Variants in ITPRID1 observed in about 807,000 individuals in gnomAD.
ITPRID1 encodes protein ITPRID1.
ITPRID1 carries 96 observed loss-of-function variants against 95.4 expected under a neutral mutation model. The observed-to-expected ratio is 1.01, with a 90% CI of 0.85 to 1.19. The LOEUF is 1.19. ITPRID1 is among the 50% of genes most tolerant of loss of function. The pLI is 0.00. For missense variants in ITPRID1, 1,339 were observed against 1,252.9 expected, an observed-to-expected ratio of 1.07 and a Z score of -1.04; for synonymous variants, 510 against 453.6, an observed-to-expected ratio of 1.12 and a Z score of -1.58.
intron 10 of ITPRID1, among the ~76,000 whole-genome samples, chr7:31,599,690 C>CTCTCTCTCTTTCTT (rs1180791810): frequency 6.6e-5 from 7 of 106,646 alleles, no homozygotes; most frequent in African/African-American, 2.6e-4. Context: ...CTCTCTCTCT[C>CTCTCTCTCTTTCTT]TCTTTCTTTC....
intron 5 of ITPRID1, among the ~76,000 whole-genome samples, chr7:31,566,618 A>G (rs1784810063): frequency 6.6e-6 from 1 of 152,230 alleles, no homozygotes; most frequent in Non-Finnish European, 1.5e-5. Context: ...AAATTGCTTG[A>G]AACAATATTT....
At chr7:31,519,234 G>A (rs929730644) in intron 1 of ITPRID1, among the ~76,000 whole-genome samples, 1 of 152,096 alleles carries the variant, frequency 6.6e-6, no homozygotes, top group Non-Finnish European at 1.5e-5. Flanking sequence ...AATAACATAC[G>A]TGTATAGAAT....
intron 10 of ITPRID1, among the ~76,000 whole-genome samples, chr7:31,599,609 C>CTT (rs1491058393): frequency 2.8e-4 from 14 of 49,212 alleles, no homozygotes; most frequent in Admixed American, 2.0e-3. Flanking sequence ...TTCTTTCTTT[C>CTT]TTTCTTTCTT....
intron 10 of ITPRID1, among the ~76,000 whole-genome samples, chr7:31,635,669 T>C (rs1449908871): frequency 6.6e-6 from 1 of 152,114 alleles, no homozygotes; most frequent in Non-Finnish European, 1.5e-5. Context: ...GCCGTTCTCA[T>C]GCTGCTATGA....
chr7:31,550,258 G>A (rs1019962066), intron 2 of ITPRID1, among the ~76,000 whole-genome samples: 1 of 149,070 alleles, frequency 6.7e-6, no homozygotes, highest in Non-Finnish European at 1.5e-5. Flanking sequence ...ATGAGTAGAA[G>A]TTTTGTATAC....
chr7:31,537,456 GT>G (rs1409112390), intron 1 of ITPRID1, among the ~76,000 whole-genome samples: 2 of 151,888 alleles, frequency 1.3e-5, no homozygotes, highest in Admixed American at 6.6e-5. Flanking sequence ...TAATTTGTTA[GT>G]TTTTTCCCCC....
intron 5 of ITPRID1, among the ~76,000 whole-genome samples, chr7:31,557,244 C>T (rs1784478135): frequency 6.6e-6 from 1 of 152,078 alleles, no homozygotes; most frequent in African/African-American, 2.4e-5. Context: ...CATTCTAAGG[C>T]TGGTTTCCTT....
chr7:31,641,477 GA>G (rs5883299), intron 10 of ITPRID1, among the ~76,000 whole-genome samples: 5 of 150,994 alleles, frequency 3.3e-5, no homozygotes, highest in African/African-American at 9.7e-5. Context: ...TTAAAGAAGA[GA>G]AAAAAAAATC....
chr7:31,528,735 T>C (rs1222927304), intron 1 of ITPRID1, among the ~76,000 whole-genome samples: 2 of 152,154 alleles, frequency 1.3e-5, no homozygotes, highest in Non-Finnish European at 2.9e-5. Context: ...AAAGAGTTGA[T>C]GAGGCCTCCT....
At chr7:31,615,493 T>TTTAAA (rs796778630) in intron 10 of ITPRID1, among the ~76,000 whole-genome samples, 62 of 152,258 alleles carry the variant, frequency 4.1e-4, no homozygotes, top group African/African-American at 1.4e-3. Flanking sequence ...TGAAGTCATT[T>TTTAAA]TTAAATTCTC....
At chr7:31,649,000 C>T (rs989673309) in intron 12 of ITPRID1, among the ~76,000 whole-genome samples, 1 of 152,254 alleles carries the variant, frequency 6.6e-6, no homozygotes, top group Non-Finnish European at 1.5e-5. Flanking sequence ...GAGCCATAAT[C>T]TAGCATTCCT....
intron 10 of ITPRID1, among the ~76,000 whole-genome samples, chr7:31,610,630 G>A (rs2128164421): frequency 6.6e-6 from 1 of 151,492 alleles, no homozygotes; most frequent in South Asian, 2.1e-4. Context: ...CTGTTTTCAG[G>A]TCTACATGTG....
intron 10 of ITPRID1, among the ~76,000 whole-genome samples, chr7:31,637,386 T>C (rs535154653): frequency 1.3e-5 from 2 of 152,208 alleles, no homozygotes; most frequent in African/African-American, 4.8e-5. Flanking sequence ...CTCCACATCC[T>C]CTCCAGCACC....
At chr7:31,603,983 C>G (rs1029330199) in intron 10 of ITPRID1, among the ~76,000 whole-genome samples, 1 of 152,172 alleles carries the variant, frequency 6.6e-6, no homozygotes, top group Non-Finnish European at 1.5e-5. Flanking sequence ...TGATGCCTGC[C>G]TTTACCATAG....
chr7:31,651,829 A>G, intron 13 of ITPRID1, 110 bp from the exon 14 acceptor site: 2 of 714,736 alleles, frequency 2.8e-6, no homozygotes, highest in Admixed American at 2.7e-5. Flanking sequence ...TAAAGATGAC[A>G]TTCTCTTTTA....
At chr7:31,528,694 G>A (rs971990581) in intron 1 of ITPRID1, among the ~76,000 whole-genome samples, 1 of 152,156 alleles carries the variant, frequency 6.6e-6, no homozygotes, top group Non-Finnish European at 1.5e-5. Context: ...GCCCAGCAGA[G>A]AAACTTCACG....
chr7:31,641,030 G>A (rs1344309565), intron 10 of ITPRID1, among the ~76,000 whole-genome samples: 2 of 152,118 alleles, frequency 1.3e-5, no homozygotes, highest in Non-Finnish European at 2.9e-5. Flanking sequence ...TTTGGGCTGG[G>A]TTGGCCAGCT....
chr7:31,616,676 G>GTAGTT (rs1036140655), intron 10 of ITPRID1, among the ~76,000 whole-genome samples: 2 of 152,050 alleles, frequency 1.3e-5, no homozygotes, highest in Admixed American at 1.3e-4. Flanking sequence ...AGCTTAAAGA[G>GTAGTT]TAGTTTTCAA....
At chr7:31,573,577 T>C (rs1168272733) in intron 7 of ITPRID1, among the ~76,000 whole-genome samples, 1 of 152,000 alleles carries the variant, frequency 6.6e-6, no homozygotes, top group Non-Finnish European at 1.5e-5. Flanking sequence ...TCAAATAGGC[T>C]CATTATTGTT....
Sources: allele counts gnomAD v4.1 joint callset (sites outside exome capture counted in the v4.1 genomes callset), GRCh38; gene constraint gnomAD v4.1.1; transcripts MANE v1.5; gene names NCBI Gene and HGNC (gene_info 2026-07-23, HGNC 2026-07-21).